The following LTBR variants were observed in gnomAD, a reference collection of about 807,000 sequenced individuals.
LTBR encodes the protein lymphotoxin beta receptor.
LTBR carries 15 observed loss-of-function variants against 45.4 expected under a neutral mutation model. The observed-to-expected ratio is 0.33, with a 90% CI of 0.22 to 0.51. The LOEUF (loss-of-function observed/expected upper bound fraction) is 0.51. LTBR is among the 20% of genes least tolerant of loss of function. The pLI is 0.97. For missense variants in LTBR, 450 were observed against 565.5 expected, an observed-to-expected ratio of 0.80 and a Z score of 2.07; for synonymous variants, 228 against 231.0, an observed-to-expected ratio of 0.99 and a Z score of 0.12.
intron 4 of LTBR, 183 bp from the exon 5 acceptor site, chr12:6,385,883 C>A (rs1172747725): frequency 1.5e-5 from 7 of 478,258 alleles, no homozygotes; most frequent in East Asian, 3.6e-5. Flanking sequence ...CCAGCCTGGG[C>A]GACAGAGCAA....
rs41480749 is a variant in LTBR, at chr12:6,385,074, A to G, written c.246A>G (p.Thr82=). 16,758 of 1,614,226 alleles carry G rather than the reference A, an allele frequency of 0.01. 98 individuals are homozygous for G. Among genetic ancestry groups the G allele is most frequent in the Non-Finnish European group, 0.012 (14,129 of 1,180,040 alleles). ...CSRIRDTVCA[T]CAENSYNEHW... is the part of the protein sequence containing the mutation. ...GCATCCGGGACACAGTTTGTGCCAC[A>G]TGTGCCGAGAATTCCTACAACGAGC... is the stretch of plus-strand genomic sequence containing the variant. The change falls in exon 3 of 10, where the codon ACA becomes ACG. Residue 82 remains threonine (T), a synonymous_variant. Coordinates refer to ENST00000228918, the MANE Select transcript of LTBR (RefSeq NM_002342.3).
chr12:6,375,233 GTC>G, upstream of LTBR: 1 of 1,441,270 alleles, frequency 6.9e-7, no homozygotes, highest in Non-Finnish European at 9.0e-7. Flanking sequence ...TTCTCTTTGG[GTC>G]TCTCCTGCTC....
chr12:6,377,745 T>C (rs1948934375), intron 1 of LTBR: 38 of 1,123,056 alleles, frequency 3.4e-5, no homozygotes, highest in Non-Finnish European at 4.5e-5. Flanking sequence ...AGCACCTCCC[T>C]GCCTTTTCTA....
At chr12:6,378,312 G>T (rs1287645352) in intron 1 of LTBR, among the ~76,000 whole-genome samples, 1 of 152,112 alleles carries the variant, frequency 6.6e-6, no homozygotes, top group East Asian at 1.9e-4. Flanking sequence ...CTTAGAGACA[G>T]GATCATGCAC....
rs7137702 is a variant in LTBR, at chr12:6,388,093, C to T, written c.668-305C>T. ...ACTGCCTAAGCTCCCATCCTGCACA[C>T]ACAAGCCTGCCCAATCCTGGTCTCT... On this transcript the variant is annotated intron_variant, in intron 6 of 9. Coordinates refer to ENST00000228918, the MANE Select transcript of LTBR (RefSeq NM_002342.3). The surrounding 1 kb of genome is among the most constrained non-coding windows in gnomAD (Gnocchi z 4.3). Among the ~76,000 whole-genome samples the T allele has an allele frequency of 0.29, 43,294 of 151,412 alleles. 10,138 individuals carry two copies. Among genetic ancestry groups the T allele is most frequent in the East Asian group, 0.76 (3,897 of 5,138 alleles).
In LTBR at chr12:6,390,748, G is replaced by C. The variant is rs767602751; in HGVS notation, c.1119G>C (p.Pro373=). 7.0e-6 allele frequency: 11 copies of C among 1,562,108 alleles called. No individual in the cohort carries two copies. In the East Asian group the frequency reaches 2.0e-4, roughly 29 times the overall value. The change falls in exon 10 of 10, where the codon CCG becomes CCC. Residue 373 remains proline, a synonymous_variant. Coordinates refer to ENST00000228918, the MANE Select transcript of LTBR (RefSeq NM_002342.3). Reference sequence around the variant, plus strand: ...ATGGACCAGTACTGGGGGGACCACCGGGTCCTGGAGACCTCCCAGCTACCC... The same window carrying C: ...ATGGACCAGTACTGGGGGGACCACCCGGTCCTGGAGACCTCCCAGCTACCC... ...IYNGPVLGGP[P]GPGDLPATPE...
intron 1 of LTBR, chr12:6,376,167 C>G (rs1015409260): frequency 2.0e-6 from 2 of 985,858 alleles, no homozygotes; most frequent in Non-Finnish European, 2.4e-6. Flanking sequence ...CAGGTCTCCT[C>G]CCCGCTCACT....
chr12:6,377,608 T>TGCCCCACA, intron 1 of LTBR: 1 of 1,217,424 alleles, frequency 8.2e-7, no homozygotes, highest in South Asian at 1.3e-5. Flanking sequence ...CTGTCCCCAC[T>TGCCCCACA]GCCCCACATA....
Position 6,385,270 on chromosome 12 carries a change from G to T in LTBR, c.363G>T (p.Lys121Asn). 9 of 1,614,092 alleles carry T rather than the reference G, an allele frequency of 5.6e-6. No homozygotes were observed. The highest frequency in any genetic ancestry group is 7.6e-6 in the Non-Finnish European group (9 of 1,180,022). The change falls in exon 4 of 10, where the codon AAG (lysine) becomes AAT (asparagine). Residue 121 changes from lysine (K) to asparagine (N), a missense_variant. Physicochemically the swap from Lys to Asn is moderately conservative, Grantham distance 94. Transcript: ENST00000228918. Reference sequence around the variant, plus strand: ...TTGCCCCCTGCACAAGCAAACGGAAGACCCAGTGCCGCTGCCAGCCGGGAA... The same window carrying T: ...TTGCCCCCTGCACAAGCAAACGGAATACCCAGTGCCGCTGCCAGCCGGGAA... Reference protein sequence around the residue: ...EEIAPCTSKRKTQCRCQPGMF... With the variant: ...EEIAPCTSKRNTQCRCQPGMF...
chr12:6,377,340 T>C (rs1948929076), intron 1 of LTBR: 1 of 1,350,246 alleles, frequency 7.4e-7, no homozygotes, highest in African/African-American at 1.5e-5. Context: ...TTCCCAAGGA[T>C]AAATCAGTTT....
upstream of LTBR, among the ~76,000 whole-genome samples, chr12:6,380,525 A>G (rs376473578): frequency 1.3e-5 from 2 of 152,056 alleles, no homozygotes; most frequent in African/African-American, 4.8e-5. Flanking sequence ...CTCTACTAAA[A>G]ATACAAAAAT....
At chr12:6,375,258 C>T, upstream of LTBR, 1 of 1,438,074 alleles carries the variant, frequency 7.0e-7, no homozygotes. Context: ...CTCTTTCTGG[C>T]CTGCCTCCTC....
chr12:6,388,431 T>C lies in LTBR; in HGVS notation c.701T>C (p.Leu234Pro), dbSNP rs751409919. Residue 234 changes from leucine to proline, a missense_variant, in exon 7 of 10, where the codon CTG (leucine) becomes CCG (proline). Around this residue, in one of 3 missense-constraint regions of LTBR, gnomAD observed 367 missense variants for 435.4 expected, o/e 0.84. Transcript: ENST00000228918. This position sits in a 1 kb window ranked among gnomAD's most constrained non-coding sequence, Gnocchi z 4.3. ...CTGATGCTGGCCGTTCTGCTGCCACTGGCCTTCTTTCTGCTCCTTGCCACC... is the reference window on the plus strand; with the variant it reads ...CTGATGCTGGCCGTTCTGCTGCCACCGGCCTTCTTTCTGCTCCTTGCCACC... ...TMLMLAVLLP[L>P]AFFLLLATVF... 8.7e-6 allele frequency: 14 copies of C among 1,614,036 alleles called. No individual in the cohort carries two copies. Among genetic ancestry groups the C allele is most frequent in the East Asian group, 4.5e-5 (2 of 44,882 alleles).
intron 2 of LTBR, among the ~76,000 whole-genome samples, 157 bp downstream of exon 2, chr12:6,384,841 G>C (rs2064359127): frequency 6.6e-6 from 1 of 152,176 alleles, no homozygotes. Flanking sequence ...GGAGGAGATG[G>C]GACTGGCCCT....
Position 6,386,473 on chromosome 12 carries a change from G to GGT in LTBR, c.667+30_667+31insTG, listed in dbSNP as rs1565494580. ...AGGGACCAGGGCTGAGGGACACGGGGGGGGCGCCTCTGAAAATGCCTTAAT... is the reference window on the plus strand; with the variant it reads ...AGGGACCAGGGCTGAGGGACACGGGGGTGGGGCGCCTCTGAAAATGCCTTAAT... On this transcript the variant is annotated intron_variant, in intron 6 of 9. Transcript: ENST00000228918. This position sits in a 1 kb window ranked among gnomAD's most constrained non-coding sequence, Gnocchi z 4.1. The GGT allele has an allele frequency of 6.4e-7, 1 of 1,568,802 alleles. No individual in the cohort carries two copies. Among genetic ancestry groups the GGT allele is most frequent in the Admixed American group, 1.7e-5 (1 of 59,384 alleles).
chr12:6,390,850 C>A lies in LTBR; in HGVS notation c.1221C>A (p.Gly407=). ...TCTCTACACCCCACCAGGAAGATGG[C>A]AAGGCTTGGCACCTAGCGGAGACAG... The part of the protein sequence containing the change: ...PGLSTPHQED[G]KAWHLAETEH... The change falls in exon 10 of 10, where the codon GGC becomes GGA. Residue 407 remains glycine (G), a synonymous_variant. Coordinates refer to ENST00000228918, the MANE Select transcript of LTBR (RefSeq NM_002342.3). The A allele has an allele frequency of 6.2e-7, 1 of 1,611,826 alleles. No individual in the cohort carries two copies. The highest frequency in any genetic ancestry group is 1.3e-5 in the African/African-American group (1 of 75,068).
upstream of LTBR, among the ~76,000 whole-genome samples, chr12:6,383,745 T>C (rs149588523): frequency 2.0e-5 from 3 of 152,330 alleles, no homozygotes; most frequent in Non-Finnish European, 4.4e-5. Context: ...CCCGGGCATC[T>C]GCCAGCCGGT....
intron 1 of LTBR, chr12:6,375,634 C>A: frequency 6.7e-7 from 1 of 1,490,380 alleles, no homozygotes. Flanking sequence ...GGAGTCAGAG[C>A]CGGGAGTTTT....
In LTBR at chr12:6,385,352, C is replaced by T; in HGVS notation, c.445C>T (p.Pro149Ser). 2 of 1,614,166 alleles carry T rather than the reference C, an allele frequency of 1.2e-6. No individual in the cohort carries two copies. The highest frequency in any genetic ancestry group is 1.7e-6 in the Non-Finnish European group (2 of 1,180,040). ...CTHCELLSDC[P>S]PGTEAELKDE... ...ACACTGCGAGCTACTTTCTGACTGC[C>T]CGCCTGGCACTGAAGCCGAGCTCAA... The change falls in exon 4 of 10, where the codon CCG (proline) becomes TCG (serine). Residue 149 changes from proline to serine, a missense_variant. This residue lies in a region of LTBR where 367 missense variants were observed against 435.4 expected (regional missense o/e 0.84). Transcript: ENST00000228918.
Sources: gnomAD v4.1 joint callset for allele counts (sites outside exome capture counted in the v4.1 genomes callset) on GRCh38, gnomAD v4.1.1 for gene constraint, gnomAD v4.1.1 regional missense constraint, Gnocchi (gnomAD v3.1) non-coding constraint, MANE v1.5 for transcripts, NCBI Gene and HGNC (gene_info 2026-07-23, HGNC 2026-07-21) for gene names.